PLEKHG4B: variants seen among roughly 807,000 people sequenced by gnomAD.
PLEKHG4B encodes pleckstrin homology and RhoGEF domain containing G4B.
Under a neutral mutation model 121.3 loss-of-function variants are expected in PLEKHG4B, and 111 were observed. That is an observed-to-expected ratio of 0.92 (90% CI 0.78 to 1.07). The LOEUF (loss-of-function observed/expected upper bound fraction) is 1.07, where lower values mean the gene tolerates loss of function less well. PLEKHG4B is among the 50% of genes least tolerant of loss of function. PLEKHG4B has a pLI of 0.00. For synonymous variants in PLEKHG4B, 738 were observed against 725.0 expected, an observed-to-expected ratio of 1.02 and a Z score of -0.29; for missense variants, 1,831 against 1,757.8, an observed-to-expected ratio of 1.04 and a Z score of -0.74.
chr5:152,832 C>G (rs1735649418), intron 7 of PLEKHG4B, among the ~76,000 whole-genome samples: 1 of 152,170 alleles, frequency 6.6e-6, no homozygotes, highest in Non-Finnish European at 1.5e-5. Context: ...TGCTGTTCTT[C>G]TGATAGTGAG....
intron 3 of PLEKHG4B, 63 bp from the exon 4 acceptor site, chr5:142,984 A>C: frequency 9.8e-6 from 14 of 1,433,774 alleles, no homozygotes; most frequent in Non-Finnish European, 1.2e-5. Flanking sequence ...AGCTGAGCAT[A>C]GCAGCTGCTT....
chr5:153,767 C>A (rs147090759), intron 7 of PLEKHG4B, among the ~76,000 whole-genome samples: 1 of 152,252 alleles, frequency 6.6e-6, no homozygotes, highest in East Asian at 1.9e-4. Context: ...CTGCTTGCAG[C>A]CTTGACCTCC....
rs1246594599 is a variant in PLEKHG4B, at chr5:135,727, A to ATG, written c.244-3754_244-3753dup. 8.5e-5 allele frequency among the ~76,000 whole-genome samples: 10 copies of ATG among 117,420 alleles called. No homozygotes were observed. In the South Asian group the frequency reaches 2.3e-3, roughly 27 times the overall value. 77.0% of individuals were successfully genotyped at this position (117,420 alleles called of 152,430 possible). A position where few individuals can be genotyped will look rare whatever the true frequency, so the allele number is the denominator to read the frequency against. Reference sequence around the variant, plus strand: ...TATATATATATATATATATATATATATGTATGTCAGTACTACCCAAAGTGA... The same window carrying ATG: ...TATATATATATATATATATATATATATGTGTATGTCAGTACTACCCAAAGTGA... On this transcript the variant is annotated intron_variant, in intron 2 of 19. Transcript: ENST00000637938.
intron 1 of PLEKHG4B, among the ~76,000 whole-genome samples, chr5:97,170 C>T (rs1468272015): frequency 1.3e-5 from 2 of 152,030 alleles, no homozygotes; most frequent in East Asian, 1.9e-4. Context: ...AAACCCCTTA[C>T]CTGCCATTCA....
At chr5:129,733 T>C (rs1375652158) in intron 2 of PLEKHG4B, among the ~76,000 whole-genome samples, 3 of 152,202 alleles carry the variant, frequency 2.0e-5, no homozygotes, top group Non-Finnish European at 4.4e-5. Context: ...AAGCCTTCCC[T>C]AGCCCCCATC....
intron 6 of PLEKHG4B, among the ~76,000 whole-genome samples, chr5:150,602 T>C (rs1396509604): frequency 2.0e-5 from 3 of 152,032 alleles, no homozygotes; most frequent in Non-Finnish European, 4.4e-5. Flanking sequence ...AACAACCCAA[T>C]AAAATATGGG....
rs1362049441 is a variant in PLEKHG4B, at chr5:139,657, C to T, written c.418C>T (p.Arg140Trp). The T allele has an allele frequency of 5.3e-5, 21 of 398,726 alleles. No individual in the cohort carries two copies. Among genetic ancestry groups the T allele is most frequent in the Non-Finnish European group, 8.8e-5 (20 of 226,106 alleles). The allele number at this position is 398,726 out of a possible 1,614,324, so 24.7% of individuals were successfully genotyped here. The change falls in exon 3 of 20, where the codon CGG (arginine) becomes TGG (tryptophan). Residue 140 changes from arginine (R) to tryptophan (W), a missense_variant. By Grantham distance (101) the Arg-to-Trp change is moderately radical. Coordinates refer to ENST00000637938, the MANE Select transcript of PLEKHG4B (RefSeq NM_052909.5). The surrounding 1 kb of genome is among the most constrained non-coding windows in gnomAD (Gnocchi z 5.0). ...TAGACTGGTCTTGAAATGCCTGTCC[C>T]GGCTGGGAAGAGGCACAGAGGAAGT... ...SARLVLKCLSRLGRGTEEVTV... is the reference protein window; with the variant it reads ...SARLVLKCLSWLGRGTEEVTV...
chr5:129,497 T>C (rs1734714253), intron 2 of PLEKHG4B, among the ~76,000 whole-genome samples: 1 of 152,252 alleles, frequency 6.6e-6, no homozygotes, highest in Non-Finnish European at 1.5e-5. Context: ...TCTTTGCCTG[T>C]AACTTCAGTC....
At position 120,165 on chromosome 5, in the gene PLEKHG4B, A is replaced by T. The variant is rs187375961; in HGVS notation, c.243+6717A>T. Among the ~76,000 whole-genome samples the T allele has an allele frequency of 1.4e-4, 22 of 152,262 alleles. No homozygotes were observed. The East Asian group carries it at 3.9e-3, about 27-fold the overall frequency. On this transcript the variant is annotated intron_variant, in intron 2 of 19. Transcript: ENST00000637938. ...CTACTTGGGAGGCAGAGGTAAGAGG[A>T]TTACTTGAGCCTGGGAGATGGAAGC...
intron 2 of PLEKHG4B, among the ~76,000 whole-genome samples, chr5:124,633 A>G (rs1308137075): frequency 6.6e-6 from 1 of 152,198 alleles, no homozygotes; most frequent in Non-Finnish European, 1.5e-5. Flanking sequence ...TTCTTAATAT[A>G]TAAGGTTCTT....
intron 2 of PLEKHG4B, among the ~76,000 whole-genome samples, chr5:133,210 G>A (rs1316672245): frequency 6.6e-6 from 1 of 152,170 alleles, no homozygotes; most frequent in African/African-American, 2.4e-5. Context: ...TTAGTGTGTA[G>A]TAGAGCTACT....
chr5:179,971 C>A (rs568148543), intron 18 of PLEKHG4B, among the ~76,000 whole-genome samples: 1 of 152,274 alleles, frequency 6.6e-6, no homozygotes, highest in South Asian at 2.1e-4. Flanking sequence ...ACTCTCTATC[C>A]TGTGATCTAC....
intron 19 of PLEKHG4B, 66 bp downstream of exon 19, chr5:181,741 G>C (rs1043147408): frequency 1.5e-5 from 23 of 1,554,532 alleles, no homozygotes; most frequent in Non-Finnish European, 1.9e-5. Flanking sequence ...TCAAGGGCAT[G>C]GGTACGGTGG....
At chr5:130,407 A>C (rs1734744890) in intron 2 of PLEKHG4B, among the ~76,000 whole-genome samples, 1 of 152,184 alleles carries the variant, frequency 6.6e-6, no homozygotes, top group African/African-American at 2.4e-5. Context: ...AAGGAGTGTA[A>C]ATTGGTTTCA....
chr5:125,260 T>C (rs969917082), intron 2 of PLEKHG4B, among the ~76,000 whole-genome samples: 6 of 152,352 alleles, frequency 3.9e-5, no homozygotes, highest in African/African-American at 1.4e-4. Context: ...AGCTTTTTTG[T>C]CCATTTCCTG....
At chr5:115,385 A>C (rs1734275827) in intron 2 of PLEKHG4B, among the ~76,000 whole-genome samples, 1 of 152,224 alleles carries the variant, frequency 6.6e-6, no homozygotes, top group African/African-American at 2.4e-5. Flanking sequence ...TAGACTGAGC[A>C]TGATTCTTAG....
chr5:172,937 A>C lies in PLEKHG4B; in HGVS notation c.4091A>C (p.Glu1364Ala). 6.2e-7 allele frequency: 1 copy of C among 1,614,110 alleles called. No homozygotes were observed. Among genetic ancestry groups the C allele is most frequent in the South Asian group, 1.1e-5 (1 of 91,078 alleles). Residue 1364 changes from glutamate (E) to alanine (A), a missense_variant, in exon 17 of 20, where the codon GAG becomes GCG. Coordinates refer to ENST00000637938, the MANE Select transcript of PLEKHG4B (RefSeq NM_052909.5). ...CAGGGGCAGCTGAGATGCCGGGATG[A>C]GTTTATCGTTTGCTGCGGGAGGAAG... is the stretch of plus-strand genomic sequence containing the variant. Reference protein sequence around the residue: ...KEQGQLRCRDEFIVCCGRKKY... With the variant: ...KEQGQLRCRDAFIVCCGRKKY...
At chr5:144,977 G>C (rs1222772664) in intron 6 of PLEKHG4B, 57 bp downstream of exon 6, 1 of 1,497,996 alleles carries the variant, frequency 6.7e-7, no homozygotes, top group Non-Finnish European at 9.2e-7. Flanking sequence ...GCCGTGTGTT[G>C]CTGGGGCTGC....
intron 7 of PLEKHG4B, among the ~76,000 whole-genome samples, chr5:154,151 G>A (rs1735689745): frequency 6.6e-6 from 1 of 152,048 alleles, no homozygotes; most frequent in African/African-American, 2.4e-5. Context: ...GACCACAGGT[G>A]CACACCACCA....
Sources: allele counts gnomAD v4.1 joint callset (sites outside exome capture counted in the v4.1 genomes callset), GRCh38; gene constraint gnomAD v4.1.1; non-coding constraint Gnocchi (gnomAD v3.1); transcripts MANE v1.5; gene names NCBI Gene and HGNC (gene_info 2026-07-23, HGNC 2026-07-21).